Variants in SLAMF1 observed in about 807,000 individuals in gnomAD.
SLAMF1 encodes signaling lymphocytic activation molecule family member 1, also known as signaling lymphocytic activation molecule.
A neutral mutation model predicts 35.1 loss-of-function variants in SLAMF1; 18 were observed. The ratio of observed to expected loss-of-function variants is 0.51; its 90% CI spans 0.35 to 0.76. SLAMF1 has a LOEUF of 0.76. Ranked by LOEUF, SLAMF1 falls within the 30% of genes least tolerant of loss-of-function variation. SLAMF1 has a pLI of 0.01. For missense variants in SLAMF1, 392 were observed against 413.0 expected (o/e 0.95, Z 0.44); for synonymous variants, 168 against 157.2 (o/e 1.07, Z -0.51).
intron 1 of SLAMF1, among the ~76,000 whole-genome samples, chr1:160,640,325 C>CACATATATATAT (rs1303073948): frequency 6.7e-4 from 63 of 94,108 alleles, no homozygotes; most frequent in African/African-American, 2.6e-3. Context: ...TTAGGTTTGT[C>CACATATATATAT]ATATATATAT....
In SLAMF1 at chr1:160,642,488, C is replaced by T. The variant is rs1326987716; in HGVS notation, c.76+4382G>A. Among the ~76,000 whole-genome samples, 1 of 152,186 alleles carries T rather than the reference C, an allele frequency of 6.6e-6. No homozygotes were observed. The highest frequency in any genetic ancestry group is 2.1e-4 in the South Asian group (1 of 4,834). ...AACTCTGGTTCAATGCCTGTAATCC[C>T]CCACTCTTATAAGCTTCCAAGAGTA... On this transcript the variant is annotated intron_variant, in intron 1 of 6. Coordinates refer to ENST00000302035, the MANE Select transcript of SLAMF1 (RefSeq NM_003037.5). The surrounding 1 kb of genome is among the most constrained non-coding windows in gnomAD (Gnocchi z 4.2).
chr1:160,632,637 T>C (rs1049134339), intron 3 of SLAMF1, among the ~76,000 whole-genome samples: 3 of 152,156 alleles, frequency 2.0e-5, no homozygotes, highest in Non-Finnish European at 4.4e-5. Flanking sequence ...TTCTGCCCCT[T>C]TTTTGGGTTA....
chr1:160,631,176 A>T (rs1051002340), intron 3 of SLAMF1, among the ~76,000 whole-genome samples: 1 of 152,204 alleles, frequency 6.6e-6, no homozygotes, highest in Non-Finnish European at 1.5e-5. Flanking sequence ...AGTATTCGTT[A>T]TTCATGCGCA....
intron 3 of SLAMF1, among the ~76,000 whole-genome samples, chr1:160,631,179 C>T (rs185460735): frequency 1.8e-3 from 275 of 152,304 alleles, no homozygotes; most frequent in African/African-American, 6.2e-3. Flanking sequence ...ATTCGTTATT[C>T]ATGCGCAAAC....
chr1:160,638,929 G>A (rs1660600818), intron 1 of SLAMF1, among the ~76,000 whole-genome samples: 1 of 152,076 alleles, frequency 6.6e-6, no homozygotes, highest in African/African-American at 2.4e-5. Context: ...TCTAAATACT[G>A]GAGCATCTCA....
chr1:160,631,590 G>T (rs912359338), intron 3 of SLAMF1, among the ~76,000 whole-genome samples: 1 of 152,136 alleles, frequency 6.6e-6, no homozygotes, highest in African/African-American at 2.4e-5. Flanking sequence ...GGTCATTAGG[G>T]TGGCCCCTAA....
At chr1:160,637,586 G>A (rs1392333651) in intron 1 of SLAMF1, 57 bp from the exon 2 acceptor site, 5 of 1,272,390 alleles carry the variant, frequency 3.9e-6, no homozygotes, top group Non-Finnish European at 5.5e-6. Context: ...ACAACATCGT[G>A]TCAGCAGATC....
intron 1 of SLAMF1, among the ~76,000 whole-genome samples, chr1:160,641,280 A>AG (rs1183753609): frequency 3.3e-5 from 5 of 152,028 alleles, no homozygotes; most frequent in African/African-American, 1.2e-4. Context: ...TTTGATAGGG[A>AG]GAAAAAAAGA....
chr1:160,613,979 T>C (rs190653071), intron 5 of SLAMF1, among the ~76,000 whole-genome samples: 1 of 152,364 alleles, frequency 6.6e-6, no homozygotes, highest in East Asian at 1.9e-4. Flanking sequence ...TATGAATTAC[T>C]TGGGGATCTT....
At position 160,610,158 on chromosome 1, in the gene SLAMF1, A is replaced by G. The variant is rs1486140175; in HGVS notation, c.*590T>C. 1 of 354,094 alleles carries G rather than the reference A, an allele frequency of 2.8e-6. No individual in the cohort carries two copies. Among genetic ancestry groups the G allele is most frequent in the Admixed American group, 3.8e-5 (1 of 25,984 alleles). 21.9% of individuals were successfully genotyped at this position (354,094 alleles called of 1,614,324 possible). A position where few individuals can be genotyped will look rare whatever the true frequency, so the allele number is the denominator to read the frequency against. ...AGCTTCTGGGTTTTGCAAATAAAAT[A>G]ATATTCTTAGCTTCCTTTATACAAT... On this transcript the variant is annotated 3_prime_UTR_variant, in exon 7 of 7. Transcript: ENST00000302035.
At chr1:160,636,715 G>A (rs13374663) in intron 2 of SLAMF1, among the ~76,000 whole-genome samples, 4,792 of 152,256 alleles carry the variant, frequency 0.031, 252 homozygotes, top group African/African-American at 0.11. Flanking sequence ...CTGAATTTTA[G>A]CCATCTTTAT....
intron 3 of SLAMF1, chr1:160,634,304 A>G (rs1570999873): frequency 3.0e-6 from 2 of 669,046 alleles, no homozygotes; most frequent in Admixed American, 1.3e-4. Context: ...GCAATCCCTC[A>G]CCCAGCCAAC....
rs200808675 is a variant in SLAMF1, at chr1:160,637,276, G to A, written c.330C>T (p.Ser110=). 85 of 1,613,852 alleles carry A rather than the reference G, an allele frequency of 5.3e-5. No homozygotes were observed. The highest frequency in any genetic ancestry group is 7.1e-5 in the Non-Finnish European group (84 of 1,179,928). The change falls in exon 2 of 7, where the codon AGC becomes AGT. Residue 110 remains serine, a synonymous_variant. Transcript: ENST00000302035. ...GGTACCATCCCTCATCCTCCTTCCT[G>A]CTTTCCCGTATCCCCAGGGTGAGAT... ...LENLTLGIRE[S]RKEDEGWYLM...
At chr1:160,633,605 T>C (rs1255015211) in intron 3 of SLAMF1, among the ~76,000 whole-genome samples, 2 of 152,188 alleles carry the variant, frequency 1.3e-5, no homozygotes, top group African/African-American at 2.4e-5. Context: ...AATGTCAGGG[T>C]GTAAGCAATG....
In SLAMF1 at chr1:160,612,573, T is replaced by C; in HGVS notation, c.872A>G (p.Gln291Arg). The change falls in exon 6 of 7, where the codon CAG becomes CGG. Residue 291 changes from glutamine to arginine, a missense_variant. Coordinates refer to ENST00000302035, the MANE Select transcript of SLAMF1 (RefSeq NM_003037.5). Reference sequence around the variant, plus strand: ...AGCTGGGAAGGAGTCAAGTTTCTTCTGAAGAGGCTACAAGAGAAGCAAAGA... The same window carrying C: ...AGCTGGGAAGGAGTCAAGTTTCTTCCGAAGAGGCTACAAGAGAAGCAAAGA... ...YAQVQKPGPL[Q>R]KKLDSFPAQD... The C allele has an allele frequency of 1.9e-6, 3 of 1,607,824 alleles. No homozygotes were observed. The highest frequency in any genetic ancestry group is 2.2e-5 in the South Asian group (2 of 90,674).
chr1:160,624,044 C>G, intron 4 of SLAMF1, 52 bp downstream of exon 4: 1 of 1,313,052 alleles, frequency 7.6e-7, no homozygotes, highest in African/African-American at 1.5e-5. Flanking sequence ...AGAGAGGTCC[C>G]CTGCTTACCA....
At chr1:160,624,666 T>G (rs1315339848) in intron 3 of SLAMF1, among the ~76,000 whole-genome samples, 1 of 152,242 alleles carries the variant, frequency 6.6e-6, no homozygotes, top group Non-Finnish European at 1.5e-5. Context: ...ATAATAGTGC[T>G]ATTGTTGTCC....
At position 160,610,195 on chromosome 1, in the gene SLAMF1, GT is replaced by G; in HGVS notation, c.*552del. On this transcript the variant is annotated 3_prime_UTR_variant, in exon 7 of 7. Coordinates refer to ENST00000302035, the MANE Select transcript of SLAMF1 (RefSeq NM_003037.5). Reference sequence around the variant, plus strand: ...TTCCTTTATACAATAATATCAGAGTGTTTTATGTATAATAAGAAATTCACCC... The same window carrying G: ...TTCCTTTATACAATAATATCAGAGTGTTTATGTATAATAAGAAATTCACCC... 2 of 422,832 alleles carry G rather than the reference GT, an allele frequency of 4.7e-6. No homozygotes were observed. The highest frequency in any genetic ancestry group is 9.4e-6 in the Non-Finnish European group (2 of 213,028). 26.2% of individuals were successfully genotyped at this position (422,832 alleles called of 1,614,324 possible). A position where few individuals can be genotyped will look rare whatever the true frequency, so the allele number is the denominator to read the frequency against.
intron 5 of SLAMF1, among the ~76,000 whole-genome samples, chr1:160,616,387 A>AC (rs1659304527): frequency 6.6e-6 from 1 of 151,824 alleles, no homozygotes; most frequent in Non-Finnish European, 1.5e-5. Flanking sequence ...CCTTCTTAAA[A>AC]AAAAAAAGGC....
Sources: gnomAD v4.1 joint callset for allele counts (sites outside exome capture counted in the v4.1 genomes callset) on GRCh38, gnomAD v4.1.1 for gene constraint, Gnocchi (gnomAD v3.1) non-coding constraint, MANE v1.5 for transcripts, NCBI Gene and HGNC (gene_info 2026-07-23, HGNC 2026-07-21) for gene names.